Variants in CCDC88A observed in about 807,000 individuals in gnomAD.
CCDC88A encodes coiled-coil and HOOK domain protein 88A, also known as girdin.
In CCDC88A, 54 loss-of-function variants were observed where a neutral mutation model predicts 234.3. The ratio of observed to expected loss-of-function variants is 0.23; its 90% CI spans 0.19 to 0.29. The LOEUF is 0.29. CCDC88A is among the 10% of genes least tolerant of loss of function. The pLI, the probability that CCDC88A is intolerant of heterozygous loss-of-function variation, is 1.00. For synonymous variants in CCDC88A, 753 were observed against 737.8 expected (o/e 1.02, Z -0.33); for missense variants, 1,832 against 2,123.4 (o/e 0.86, Z 2.70).
Position 55,334,063 on chromosome 2 carries a change from A to T in CCDC88A, c.2727+31T>A. Reference sequence around the variant, plus strand: ...ACCTTGAGTTAAAAATATAAAAAAAAATTTGCCTTAATTTAGGTAAACATA... The same window carrying T: ...ACCTTGAGTTAAAAATATAAAAAAATATTTGCCTTAATTTAGGTAAACATA... On this transcript the variant is annotated intron_variant, in intron 15 of 32. Coordinates refer to ENST00000436346, the MANE Select transcript of CCDC88A (RefSeq NM_001365480.1). This position sits in a 1 kb window ranked among gnomAD's most constrained non-coding sequence, Gnocchi z 6.1. The T allele has an allele frequency of 1.2e-6, 1 of 848,128 alleles. No homozygotes were observed. Among genetic ancestry groups the T allele is most frequent in the Non-Finnish European group, 1.7e-6 (1 of 603,990 alleles). The allele number at this position is 848,128 out of a possible 1,614,324, so 52.5% of individuals were successfully genotyped here. A position where few individuals can be genotyped will look rare whatever the true frequency, so the allele number is the denominator to read the frequency against.
chr2:55,319,963 A>C (rs1056689383), intron 18 of CCDC88A, among the ~76,000 whole-genome samples: 1 of 152,146 alleles, frequency 6.6e-6, no homozygotes. Flanking sequence ...TAAATATAAC[A>C]TTAATTTTAT....
intron 5 of CCDC88A, among the ~76,000 whole-genome samples, chr2:55,365,294 A>C (rs1159116013): frequency 6.6e-6 from 1 of 152,114 alleles, no homozygotes; most frequent in East Asian, 1.9e-4. Flanking sequence ...AACAATTAAG[A>C]ATTACGTTCT....
chr2:55,356,119 T>C (rs1045373018), intron 7 of CCDC88A: 1 of 156,216 alleles, frequency 6.4e-6, no homozygotes. Context: ...AAGCCCAGCA[T>C]GCATTAGCTC....
chr2:55,418,893 G>C lies in CCDC88A; in HGVS notation c.87C>G (p.Ala29=). ...VTWVKTFGPL[A]AGNGTNLDEY... ...CATCAAGGTTGGTCCCATTTCCTGC[G>C]GCCAGAGGTCCAAACGTTTTAACCT... is the stretch of plus-strand genomic sequence containing the variant. The change falls in exon 2 of 33, where the codon GCC becomes GCG. Residue 29 remains alanine, a synonymous_variant. Coordinates refer to ENST00000436346, the MANE Select transcript of CCDC88A (RefSeq NM_001365480.1). The C allele has an allele frequency of 6.2e-7, 1 of 1,613,980 alleles. No homozygotes were observed. The highest frequency in any genetic ancestry group is 2.2e-5 in the East Asian group (1 of 44,882).
At chr2:55,381,094 C>T (rs1272791673) in intron 3 of CCDC88A, among the ~76,000 whole-genome samples, 1 of 152,106 alleles carries the variant, frequency 6.6e-6, no homozygotes, top group Non-Finnish European at 1.5e-5. Flanking sequence ...CATTGTGTTA[C>T]AACTGCCTAC....
intron 2 of CCDC88A, chr2:55,417,831 C>T (rs985416903): frequency 6.6e-6 from 1 of 152,022 alleles, no homozygotes; most frequent in Admixed American, 6.5e-5. Flanking sequence ...TAGACTTATT[C>T]TCTAGTAACA....
intron 13 of CCDC88A, 107 bp from the exon 14 acceptor site, chr2:55,336,925 C>G (rs753040681): frequency 6.5e-6 from 4 of 612,862 alleles, no homozygotes; most frequent in East Asian, 3.5e-5. Context: ...GTGTTAATAT[C>G]CAAATGCTAA....
chr2:55,304,018 C>CT (rs1681220936), intron 25 of CCDC88A, among the ~76,000 whole-genome samples: 2 of 152,128 alleles, frequency 1.3e-5, no homozygotes, highest in African/African-American at 4.8e-5. Context: ...GTCTTAAAAA[C>CT]TTTAAGATTT....
intron 9 of CCDC88A, among the ~76,000 whole-genome samples, chr2:55,346,590 T>C (rs1669140268): frequency 6.6e-6 from 1 of 152,104 alleles, no homozygotes; most frequent in South Asian, 2.1e-4. Context: ...CGGCTAATTT[T>C]TGTATTTTTA....
rs574351003 is a variant in CCDC88A at position 55,305,086 on chromosome 2, G to GA, written c.4388-1935dup. On this transcript the variant is annotated intron_variant, in intron 25 of 32. Coordinates refer to ENST00000436346, the MANE Select transcript of CCDC88A (RefSeq NM_001365480.1). ...CACAGCTGTTTTCAATGATTAAAAAGAAATGAACTGAAAGCAATATAAAAA... is the reference window on the plus strand; with the variant it reads ...CACAGCTGTTTTCAATGATTAAAAAGAAAATGAACTGAAAGCAATATAAAAA... Among the ~76,000 whole-genome samples the GA allele has an allele frequency of 2.2e-3, 331 of 152,258 alleles. 1 individual carries two copies. Among genetic ancestry groups the GA allele is most frequent in the Non-Finnish European group, 3.5e-3 (241 of 68,000 alleles).
chr2:55,408,533 C>A (rs1455953202), intron 2 of CCDC88A, among the ~76,000 whole-genome samples: 1 of 152,144 alleles, frequency 6.6e-6, no homozygotes, highest in Admixed American at 6.5e-5. Flanking sequence ...AGAGTGTCCT[C>A]TGGTTGTCCT....
chr2:55,314,976 G>C (rs1682804989), intron 22 of CCDC88A: 1 of 152,166 alleles, frequency 6.6e-6, no homozygotes, highest in African/African-American at 2.4e-5. Context: ...GTGAGAATTA[G>C]CCAGGGATGC....
chr2:55,315,090 AAATCCTTT>A (rs1682823114), intron 22 of CCDC88A: 1 of 152,216 alleles, frequency 6.6e-6, no homozygotes. Context: ...CATTTCTTGA[AAATCCTTT>A]AATTTTTGAC....
At chr2:55,321,520 A>G (rs1368637862) in intron 18 of CCDC88A, among the ~76,000 whole-genome samples, 2 of 152,048 alleles carry the variant, frequency 1.3e-5, no homozygotes, top group Non-Finnish European at 2.9e-5. Context: ...CACTGCATTC[A>G]ATTCCTGGGC....
intron 29 of CCDC88A, chr2:55,296,936 A>G (rs1680100746): frequency 1.3e-5 from 2 of 155,454 alleles, no homozygotes; most frequent in Non-Finnish European, 2.8e-5. Context: ...TGTAATCCCA[A>G]CACTTTGGAA....
Position 55,335,215 on chromosome 2 carries a change from A to G in CCDC88A, c.1657-51T>C. ...AGCTGTAATTGAGGAAAAACTAACT[A>G]TGGTTTATCTCTTCCAAAAACTACC... On this transcript the variant is annotated intron_variant, in intron 14 of 32. Transcript: ENST00000436346. The surrounding 1 kb of genome is among the most constrained non-coding windows in gnomAD (Gnocchi z 4.5). The G allele has an allele frequency of 1.7e-6, 2 of 1,181,338 alleles. No individual in the cohort carries two copies. The highest frequency in any genetic ancestry group is 2.3e-6 in the Non-Finnish European group (2 of 863,256). 73.2% of individuals were successfully genotyped at this position (1,181,338 alleles called of 1,614,324 possible).
chr2:55,388,516 T>G (rs1305364603), intron 3 of CCDC88A: 1 of 203,642 alleles, frequency 4.9e-6, no homozygotes, highest in East Asian at 1.2e-4. Context: ...TGTTACACTA[T>G]GCAAGTTCTC....
chr2:55,388,448 T>A (rs1321258791), intron 3 of CCDC88A: 3 of 64,190 alleles, frequency 4.7e-5, no homozygotes, highest in African/African-American at 1.2e-4. Context: ...GGTTTTTTTT[T>A]TAAAAAAAAT....
intron 17 of CCDC88A, among the ~76,000 whole-genome samples, chr2:55,325,165 A>G (rs146307521): frequency 1.6e-4 from 25 of 152,352 alleles, no homozygotes; most frequent in African/African-American, 6.0e-4. Flanking sequence ...GAAATCTGCC[A>G]TTTTAACAAT....
Sources: allele counts gnomAD v4.1 joint callset (sites outside exome capture counted in the v4.1 genomes callset), GRCh38; gene constraint gnomAD v4.1.1; non-coding constraint Gnocchi (gnomAD v3.1); transcripts MANE v1.5; gene names NCBI Gene and HGNC (gene_info 2026-07-23, HGNC 2026-07-21).